The following MGAT4C variants were observed in gnomAD, a reference collection of about 807,000 sequenced individuals.
The protein encoded by MGAT4C is MGAT4 family member C.
A neutral mutation model predicts 40.1 loss-of-function variants in MGAT4C; 19 were observed. The observed-to-expected ratio is 0.47, with a 90% CI of 0.33 to 0.70. The LOEUF is 0.70. Ranked by LOEUF, MGAT4C falls within the 30% of genes least tolerant of loss-of-function variation. The probability of loss-of-function intolerance (pLI) is 0.02; values close to 1 mark genes in which losing one functional copy is unlikely to be tolerated. For missense variants in MGAT4C, 491 were observed against 563.2 expected (o/e 0.87, Z 1.30); for synonymous variants, 181 against 187.1 (o/e 0.97, Z 0.27).
rs1265319802 is a variant in MGAT4C, at chr12:85,965,242, T to G, written c.*14047A>C. ...CTTAAGAGAAGACTATTTATAAAAT[T>G]TATTGCTTGTAAGATTTGTTTTTTG... is the stretch of plus-strand genomic sequence containing the variant. On this transcript the variant is annotated 3_prime_UTR_variant, in exon 5 of 5. Transcript: ENST00000611864. 2.0e-5 allele frequency: 3 copies of G among 152,018 alleles called. No homozygotes were observed. The highest frequency in any genetic ancestry group is 1.3e-4 in the Admixed American group (2 of 15,262). 9.4% of individuals were successfully genotyped at this position (152,018 alleles called of 1,614,324 possible). A position where few individuals can be genotyped will look rare whatever the true frequency, so the allele number is the denominator to read the frequency against.
intron 1 of MGAT4C, among the ~76,000 whole-genome samples, chr12:86,751,667 A>T (rs994715330): frequency 1.3e-5 from 2 of 152,046 alleles, no homozygotes; most frequent in African/African-American, 4.8e-5. Context: ...TAGAAATACA[A>T]ATTACAGATG....
rs563907550 is a variant in MGAT4C at position 85,970,142 on chromosome 12, C to T, written c.*9147G>A. On this transcript the variant is annotated 3_prime_UTR_variant, in exon 5 of 5. Transcript: ENST00000611864. ...ATTAATATAATTTAGCTACATAATTCCTAAGGAAATATTAATTCATAAAGA... is the reference window on the plus strand; with the variant it reads ...ATTAATATAATTTAGCTACATAATTTCTAAGGAAATATTAATTCATAAAGA... 1.3e-5 allele frequency: 2 copies of T among 151,226 alleles called. No homozygotes were observed. The highest frequency in any genetic ancestry group is 4.8e-5 in the African/African-American group (2 of 41,392). The allele number at this position is 151,226 out of a possible 1,614,324, so 9.4% of individuals were successfully genotyped here.
At chr12:86,350,212 T>A (rs1467753789) in intron 3 of MGAT4C, among the ~76,000 whole-genome samples, 1 of 152,124 alleles carries the variant, frequency 6.6e-6, no homozygotes, top group African/African-American at 2.4e-5. Flanking sequence ...TCAAGCTCTA[T>A]ACCATTGCTG....
At chr12:86,382,127 A>G (rs764148701) in intron 3 of MGAT4C, among the ~76,000 whole-genome samples, 1 of 152,238 alleles carries the variant, frequency 6.6e-6, no homozygotes, top group African/African-American at 2.4e-5. Context: ...AAATGTGGGA[A>G]CATTTGGAAC....
chr12:86,286,352 T>C (rs952244295), intron 4 of MGAT4C, among the ~76,000 whole-genome samples: 2 of 152,172 alleles, frequency 1.3e-5, no homozygotes, highest in African/African-American at 4.8e-5. Flanking sequence ...CCATGCACTA[T>C]GTCTACATTA....
chr12:86,749,930 T>C (rs1056521805), intron 1 of MGAT4C, among the ~76,000 whole-genome samples: 2 of 151,768 alleles, frequency 1.3e-5, no homozygotes, highest in African/African-American at 2.4e-5. Context: ...AGTTTGATTA[T>C]AGGAGCAACT....
chr12:86,379,632 AACTGTTT>A (rs750643504), intron 3 of MGAT4C, among the ~76,000 whole-genome samples: 8 of 152,080 alleles, frequency 5.3e-5, no homozygotes, highest in Non-Finnish European at 1.0e-4. Context: ...AAAGGAAAAA[AACTGTTT>A]ACTCTTAGTA....
intron 2 of MGAT4C, among the ~76,000 whole-genome samples, chr12:86,578,598 G>C (rs1960655036): frequency 6.6e-6 from 1 of 151,608 alleles, no homozygotes; most frequent in Non-Finnish European, 1.5e-5. Flanking sequence ...AATTTTAGTA[G>C]GTTGTATGTA....
intron 2 of MGAT4C, among the ~76,000 whole-genome samples, chr12:86,026,297 T>C (rs1321222545): frequency 3.3e-5 from 5 of 151,778 alleles, no homozygotes; most frequent in African/African-American, 7.2e-5. Context: ...AGTTTGGTTT[T>C]TTAGGACCTT....
intron 3 of MGAT4C, among the ~76,000 whole-genome samples, chr12:86,403,001 T>C (rs2136237966): frequency 6.6e-6 from 1 of 152,320 alleles, no homozygotes; most frequent in East Asian, 1.9e-4. Context: ...TAACATGTTT[T>C]ATGACAAAGC....
intron 1 of MGAT4C, among the ~76,000 whole-genome samples, chr12:86,167,709 A>C (rs1420037992): frequency 6.6e-6 from 1 of 152,174 alleles, no homozygotes; most frequent in Non-Finnish European, 1.5e-5. Flanking sequence ...TAACAATATT[A>C]ATCGATTCAT....
At chr12:86,772,591 G>A (rs949694680) in intron 1 of MGAT4C, among the ~76,000 whole-genome samples, 1 of 151,498 alleles carries the variant, frequency 6.6e-6, no homozygotes, top group Non-Finnish European at 1.5e-5. Flanking sequence ...AGGAGATGAG[G>A]CTGCCACCCT....
At chr12:86,735,348 G>C (rs1565955376) in intron 1 of MGAT4C, among the ~76,000 whole-genome samples, 1 of 151,774 alleles carries the variant, frequency 6.6e-6, no homozygotes, top group African/African-American at 2.4e-5. Flanking sequence ...GATTTCAGTT[G>C]ATGAAATCAT....
intron 1 of MGAT4C, among the ~76,000 whole-genome samples, chr12:86,171,076 G>A (rs1226438323): frequency 6.6e-6 from 1 of 150,912 alleles, no homozygotes; most frequent in Non-Finnish European, 1.5e-5. Context: ...TGCTTAAGAT[G>A]TTTACTATCT....
At chr12:86,566,166 TGATTG>T (rs1960090828) in intron 2 of MGAT4C, among the ~76,000 whole-genome samples, 1 of 152,058 alleles carries the variant, frequency 6.6e-6, no homozygotes, top group Non-Finnish European at 1.5e-5. Context: ...AGTGTCAACT[TGATTG>T]GATTGAAGGA....
At chr12:86,423,627 A>G (rs1259277446) in intron 3 of MGAT4C, among the ~76,000 whole-genome samples, 2 of 152,152 alleles carry the variant, frequency 1.3e-5, no homozygotes, top group African/African-American at 4.8e-5. Context: ...TATAATTTTA[A>G]GTTTAATGAT....
rs1047800990 is a variant in MGAT4C at position 86,650,762 on chromosome 12, T to C, written c.-229+76447A>G. Among the ~76,000 whole-genome samples, 4 of 152,058 alleles carry C rather than the reference T, an allele frequency of 2.6e-5. No homozygotes were observed. The South Asian group carries it at 6.2e-4, about 24-fold the overall frequency. On this transcript the variant is annotated intron_variant, in intron 2 of 7. Coordinates refer to the MGAT4C transcript ENST00000548651. Reference sequence around the variant, plus strand: ...ATTTATCAATGTAAAGGGATTGGTTTATTACTGCTTTAAACCCCTCATGTA... The same window carrying C: ...ATTTATCAATGTAAAGGGATTGGTTCATTACTGCTTTAAACCCCTCATGTA...
intron 2 of MGAT4C, among the ~76,000 whole-genome samples, chr12:86,526,041 C>A (rs1309177202): frequency 6.6e-6 from 1 of 152,176 alleles, no homozygotes; most frequent in Admixed American, 6.5e-5. Context: ...GTGGTGGATA[C>A]AATAAATGTG....
intron 2 of MGAT4C, among the ~76,000 whole-genome samples, chr12:86,534,690 G>T (rs889958956): frequency 1.3e-5 from 2 of 152,020 alleles, no homozygotes; most frequent in South Asian, 4.1e-4. Flanking sequence ...TATGTCTTTT[G>T]ACTTCAAATT....
Sources: allele counts gnomAD v4.1 joint callset (sites outside exome capture counted in the v4.1 genomes callset), GRCh38; gene constraint gnomAD v4.1.1; transcripts MANE v1.5; gene names NCBI Gene and HGNC (gene_info 2026-07-23, HGNC 2026-07-21).